The following ARHGAP26 variants were observed in gnomAD, a reference collection of about 807,000 sequenced individuals.
The protein encoded by ARHGAP26 is rho GTPase-activating protein 26.
Under a neutral mutation model 104.8 loss-of-function variants are expected in ARHGAP26, and 38 were observed. The observed-to-expected ratio is 0.36, with a 90% confidence interval of 0.28 to 0.48. The LOEUF (loss-of-function observed/expected upper bound fraction) is 0.48. Among genes scored for constraint, ARHGAP26 ranks in the 20% least tolerant of loss-of-function variants. The pLI is 0.99. For synonymous variants in ARHGAP26, 341 were observed against 340.0 expected, an observed-to-expected ratio of 1.00 and a Z score of -0.03; for missense variants, 704 against 947.9, an observed-to-expected ratio of 0.74 and a Z score of 3.38.
chr5:143,032,701 T>C (rs1481610210), intron 12 of ARHGAP26, among the ~76,000 whole-genome samples: 1 of 152,230 alleles, frequency 6.6e-6, no homozygotes, highest in Admixed American at 6.5e-5. Context: ...TCTGGTTATG[T>C]GTGCACTGTA....
Position 143,012,537 on chromosome 5 carries a change from T to TTATATATATATGTATATATATATA in ARHGAP26, c.1108-1537_1108-1536insTATATGTATATATATATATATATA, listed in dbSNP as rs752338630. ...CATTAGAGTCACTGGAGGGATATATTTATATACATACATACATATATATAT... is the reference window on the plus strand; with the variant it reads ...CATTAGAGTCACTGGAGGGATATATTTATATATATATGTATATATATATATATATACATACATACATATATATAT... On this transcript the variant is annotated intron_variant, in intron 11 of 22. Transcript: ENST00000645722. Among the ~76,000 whole-genome samples the TTATATATATATGTATATATATATA allele has an allele frequency of 1.4e-3, 25 of 17,648 alleles. 4 individuals are homozygous for TTATATATATATGTATATATATATA. Among genetic ancestry groups the TTATATATATATGTATATATATATA allele is most frequent in the Non-Finnish European group, 2.5e-3 (16 of 6,446 alleles). 11.6% of individuals were successfully genotyped at this position (17,648 alleles called of 152,430 possible).
chr5:143,123,745 C>G (rs1478838443), intron 18 of ARHGAP26, among the ~76,000 whole-genome samples: 1 of 152,096 alleles, frequency 6.6e-6, no homozygotes, highest in African/African-American at 2.4e-5. Flanking sequence ...AAAGCCCTAG[C>G]TATGGGAGGC....
At chr5:142,935,137 T>C (rs1020775802) in intron 11 of ARHGAP26, among the ~76,000 whole-genome samples, 3 of 152,172 alleles carry the variant, frequency 2.0e-5, no homozygotes, top group Non-Finnish European at 4.4e-5. Context: ...AAAAGCTGGA[T>C]TTATTGGGTT....
intron 11 of ARHGAP26, among the ~76,000 whole-genome samples, chr5:142,977,008 G>A (rs1286555118): frequency 1.3e-5 from 2 of 152,212 alleles, no homozygotes; most frequent in East Asian, 3.8e-4. Context: ...GCCAGGTTCT[G>A]TATTCATCCC....
At chr5:142,998,103 T>G (rs996597647) in intron 11 of ARHGAP26, among the ~76,000 whole-genome samples, 1 of 152,236 alleles carries the variant, frequency 6.6e-6, no homozygotes, top group Non-Finnish European at 1.5e-5. Flanking sequence ...ACTCAGTGTT[T>G]GTTGCTGTGT....
intron 17 of ARHGAP26, among the ~76,000 whole-genome samples, chr5:143,058,862 C>T (rs1598840021): frequency 6.6e-6 from 1 of 152,336 alleles, no homozygotes; most frequent in South Asian, 2.1e-4. Flanking sequence ...TCGGCAAAGC[C>T]ACAGTTGCTC....
intron 18 of ARHGAP26, among the ~76,000 whole-genome samples, chr5:143,132,140 T>G (rs1324078990): frequency 1.3e-5 from 2 of 152,148 alleles, no homozygotes; most frequent in Non-Finnish European, 2.9e-5. Flanking sequence ...GATATGATAC[T>G]GCTGTTTTCA....
intron 10 of ARHGAP26, among the ~76,000 whole-genome samples, chr5:142,915,295 C>T (rs1325738437): frequency 6.6e-6 from 1 of 151,928 alleles, no homozygotes; most frequent in Non-Finnish European, 1.5e-5. Flanking sequence ...TCCCTGGTTC[C>T]CTCTGCATGG....
chr5:143,190,401 G>A (rs962264966), intron 20 of ARHGAP26, among the ~76,000 whole-genome samples: 1 of 152,172 alleles, frequency 6.6e-6, no homozygotes, highest in South Asian at 2.1e-4. Context: ...CTGAGTAGCA[G>A]ATGCAGCATG....
chr5:142,938,466 A>G (rs1475323543), intron 11 of ARHGAP26, among the ~76,000 whole-genome samples: 1 of 152,234 alleles, frequency 6.6e-6, no homozygotes, highest in Non-Finnish European at 1.5e-5. Context: ...TTCAGACTGC[A>G]TAAATACCAC....
At position 143,091,738 on chromosome 5, in the gene ARHGAP26, A is replaced by T. The variant is rs1204600578; in HGVS notation, c.1539-29250A>T. 3.9e-5 allele frequency among the ~76,000 whole-genome samples: 6 copies of T among 152,224 alleles called. No individual in the cohort carries two copies. The East Asian group carries it at 1.2e-3, about 29-fold the overall frequency. On this transcript the variant is annotated intron_variant, in intron 17 of 22. Coordinates refer to ENST00000645722, the MANE Select transcript of ARHGAP26 (RefSeq NM_001135608.3). The stretch of plus-strand genomic sequence containing the variant: ...TAACCTTTTATAATTTTTGTTAAAG[A>T]GCAGGTTAGTGCTTTAAGAAAGACC...
At chr5:143,024,294 T>C (rs990627302) in intron 12 of ARHGAP26, among the ~76,000 whole-genome samples, 4 of 152,156 alleles carry the variant, frequency 2.6e-5, no homozygotes, top group African/African-American at 9.7e-5. Flanking sequence ...CTGCTTGTCC[T>C]AAAAGACACT....
chr5:143,194,666 G>A (rs60940468), intron 20 of ARHGAP26, among the ~76,000 whole-genome samples: 18,817 of 152,054 alleles, frequency 0.12, 1,389 homozygotes, highest in Non-Finnish European at 0.16. Context: ...TGAAGGACAA[G>A]AACTAGAAGA....
intron 5 of ARHGAP26, among the ~76,000 whole-genome samples, chr5:142,886,856 A>C (rs1757781365): frequency 6.6e-6 from 1 of 152,172 alleles, no homozygotes; most frequent in Admixed American, 6.5e-5. Flanking sequence ...TGGTGCCCTG[A>C]CTTTTTAGTT....
chr5:142,934,492 C>T (rs1481878285), intron 11 of ARHGAP26, among the ~76,000 whole-genome samples: 1 of 152,160 alleles, frequency 6.6e-6, no homozygotes, highest in Non-Finnish European at 1.5e-5. Context: ...GACAGTAATA[C>T]TAGGCTTAAT....
In ARHGAP26 at chr5:142,949,584, C is replaced by T. The variant is rs565595306; in HGVS notation, c.1107+17459C>T. On this transcript the variant is annotated intron_variant, in intron 11 of 22. Coordinates refer to ENST00000645722, the MANE Select transcript of ARHGAP26 (RefSeq NM_001135608.3). Reference sequence around the variant, plus strand: ...TTCTTTGGCTCAAGACTTTTCAGTACAATGTTCTAAACTCCAGCTACCATG... The same window carrying T: ...TTCTTTGGCTCAAGACTTTTCAGTATAATGTTCTAAACTCCAGCTACCATG... Among the ~76,000 whole-genome samples, 4 of 152,172 alleles carry T rather than the reference C, an allele frequency of 2.6e-5. No individual in the cohort carries two copies. In the South Asian group the frequency reaches 8.3e-4, roughly 32 times the overall value.
At chr5:143,034,417 T>C (rs1446092635) in intron 12 of ARHGAP26, among the ~76,000 whole-genome samples, 1 of 152,170 alleles carries the variant, frequency 6.6e-6, no homozygotes, top group Non-Finnish European at 1.5e-5. Flanking sequence ...TATTTAACCA[T>C]AAAAATAAGT....
intron 11 of ARHGAP26, among the ~76,000 whole-genome samples, chr5:142,958,338 C>G (rs1357783087): frequency 6.6e-6 from 1 of 152,112 alleles, no homozygotes; most frequent in African/African-American, 2.4e-5. Flanking sequence ...AAGATAAATG[C>G]ACCAATCATA....
intron 6 of ARHGAP26, among the ~76,000 whole-genome samples, chr5:142,896,262 A>C (rs1759467960): frequency 6.6e-6 from 1 of 152,196 alleles, no homozygotes; most frequent in South Asian, 2.1e-4. Flanking sequence ...AGAACAGTGC[A>C]TTTCTAATAA....
Sources: gnomAD v4.1 joint callset for allele counts (sites outside exome capture counted in the v4.1 genomes callset) on GRCh38, gnomAD v4.1.1 for gene constraint, MANE v1.5 for transcripts, NCBI Gene and HGNC (gene_info 2026-07-23, HGNC 2026-07-21) for gene names.